Variants in JAZF1 observed in about 807,000 individuals in gnomAD.
JAZF1 encodes the protein juxtaposed with another zinc finger protein 1.
Under a neutral mutation model 26.4 loss-of-function variants are expected in JAZF1, and 8 were observed. That is an observed-to-expected ratio of 0.30 (90% CI 0.18 to 0.55). JAZF1 has a LOEUF of 0.55. JAZF1 is among the 20% of genes least tolerant of loss of function. The pLI is 0.94. For missense variants in JAZF1, 199 were observed against 322.0 expected (o/e 0.62, Z 2.92); for synonymous variants, 126 against 122.3 (o/e 1.03, Z -0.20).
At chr7:27,987,719 A>G (rs923516693) in intron 2 of JAZF1, among the ~76,000 whole-genome samples, 2 of 152,270 alleles carry the variant, frequency 1.3e-5, no homozygotes, top group African/African-American at 4.8e-5. Flanking sequence ...AGAACGGGCC[A>G]TGATGACGAT....
chr7:27,849,239 C>T (rs1346977790), intron 3 of JAZF1, among the ~76,000 whole-genome samples: 2 of 152,168 alleles, frequency 1.3e-5, no homozygotes, highest in Admixed American at 6.5e-5. Context: ...CCACACGTGA[C>T]GTTCAGTGTG....
intron 3 of JAZF1, among the ~76,000 whole-genome samples, chr7:27,869,875 T>A (rs1181757827): frequency 1.3e-5 from 2 of 152,082 alleles, no homozygotes; most frequent in Non-Finnish European, 2.9e-5. Flanking sequence ...TCCTAGCCCC[T>A]CCACCATCAA....
chr7:27,976,239 G>A (rs1004123465), intron 2 of JAZF1, among the ~76,000 whole-genome samples: 1 of 151,304 alleles, frequency 6.6e-6, no homozygotes, highest in Non-Finnish European at 1.5e-5. Flanking sequence ...CCAGCTACTC[G>A]GGAGGCTGAG....
chr7:27,858,095 C>T (rs937783701), intron 3 of JAZF1, among the ~76,000 whole-genome samples: 1 of 152,114 alleles, frequency 6.6e-6, no homozygotes. Context: ...CATTCCTATA[C>T]ACCAATAATA....
chr7:28,169,806 C>A (rs1783424580), intron 1 of JAZF1, among the ~76,000 whole-genome samples: 1 of 152,210 alleles, frequency 6.6e-6, no homozygotes, highest in Non-Finnish European at 1.5e-5. Context: ...GATTCCCCTG[C>A]TTTTGCCATT....
At chr7:27,992,217 CA>C in intron 1 of JAZF1, 1 of 593,804 alleles carries the variant, frequency 1.7e-6, no homozygotes, top group Non-Finnish European at 3.3e-6. Context: ...GTCCATCTGT[CA>C]CACAAACTCT....
chr7:27,921,335 CT>C (rs111359758), intron 2 of JAZF1, among the ~76,000 whole-genome samples: 2,335 of 139,522 alleles, frequency 0.017, 50 homozygotes, highest in African/African-American at 0.049. Context: ...CAGCAAGTAT[CT>C]TTTTTTTTTT....
chr7:27,904,468 G>A (rs1784216343), intron 2 of JAZF1, among the ~76,000 whole-genome samples: 1 of 152,094 alleles, frequency 6.6e-6, no homozygotes, highest in African/African-American at 2.4e-5. Context: ...GCCTTTTTTG[G>A]TGATCTGGGA....
Position 27,840,691 on chromosome 7 carries a change from C to T in JAZF1, c.555+7G>A. 10 of 1,613,888 alleles carry T rather than the reference C, an allele frequency of 6.2e-6. No individual in the cohort carries two copies. The highest frequency in any genetic ancestry group is 8.5e-6 in the Non-Finnish European group (10 of 1,179,834). On this transcript the variant is annotated splice_region_variant and intron_variant, in intron 4 of 4. Transcript: ENST00000283928. This position sits in a 1 kb window ranked among gnomAD's most constrained non-coding sequence, Gnocchi z 5.1. ...TGGTTATGCCAAGCATGCAGCACCTCTGTTACCTTGTATCTCTTTTTACAT... is the reference window on the plus strand; with the variant it reads ...TGGTTATGCCAAGCATGCAGCACCTTTGTTACCTTGTATCTCTTTTTACAT...
At chr7:28,006,121 G>A (rs1228972685) in intron 1 of JAZF1, among the ~76,000 whole-genome samples, 1 of 151,936 alleles carries the variant, frequency 6.6e-6, no homozygotes, top group Non-Finnish European at 1.5e-5. Context: ...CTAGGGGCCA[G>A]GCTCAGTGGC....
chr7:28,134,708 T>C (rs565326025), intron 1 of JAZF1, among the ~76,000 whole-genome samples: 15 of 152,192 alleles, frequency 9.9e-5, no homozygotes, highest in Admixed American at 9.8e-4. Context: ...CCAGTCTAAG[T>C]GATATATTTA....
At chr7:27,954,261 C>CCTG (rs1302830179) in intron 2 of JAZF1, among the ~76,000 whole-genome samples, 1 of 152,206 alleles carries the variant, frequency 6.6e-6, no homozygotes, top group African/African-American at 2.4e-5. Context: ...TTCACTATTT[C>CCTG]CTGCTTAACT....
At chr7:28,009,635 C>T (rs1280257982) in intron 1 of JAZF1, among the ~76,000 whole-genome samples, 2 of 152,166 alleles carry the variant, frequency 1.3e-5, no homozygotes, top group African/African-American at 2.4e-5. Context: ...AGGCGCATGT[C>T]ACCACGCCCA....
intron 1 of JAZF1, among the ~76,000 whole-genome samples, chr7:28,064,561 T>C (rs2128383406): frequency 6.6e-6 from 1 of 152,300 alleles, no homozygotes; most frequent in South Asian, 2.1e-4. Flanking sequence ...ATCAATATAA[T>C]GACAGTTGAG....
At position 28,085,609 on chromosome 7, in the gene JAZF1, T is replaced by C. The variant is rs758556271; in HGVS notation, c.116-93628A>G. On this transcript the variant is annotated intron_variant, in intron 1 of 4. Transcript: ENST00000283928. The stretch of plus-strand genomic sequence containing the variant: ...ACCACGTTATAAACCCCTCCAAAAA[T>C]GGGGTTTACAATGGAAGTGTTGACA... Among the ~76,000 whole-genome samples, 36 of 152,226 alleles carry C rather than the reference T, an allele frequency of 2.4e-4. No individual in the cohort carries two copies. In the Middle Eastern group the frequency reaches 0.01, roughly 43 times the overall value.
intron 2 of JAZF1, among the ~76,000 whole-genome samples, chr7:27,908,832 T>C (rs1180863040): frequency 6.6e-6 from 1 of 152,242 alleles, no homozygotes; most frequent in East Asian, 1.9e-4. Flanking sequence ...TTTTATAAAA[T>C]GAGGTGTTGC....
intron 1 of JAZF1, among the ~76,000 whole-genome samples, chr7:28,091,511 T>C (rs1250669622): frequency 6.6e-6 from 1 of 151,444 alleles, no homozygotes; most frequent in Non-Finnish European, 1.5e-5. Flanking sequence ...GAGAATACAG[T>C]TTTACTTTCT....
chr7:27,841,380 G>A (rs559791429), intron 3 of JAZF1: 1 of 152,432 alleles, frequency 6.6e-6, no homozygotes, highest in Non-Finnish European at 1.5e-5. Context: ...ATGAATTTCA[G>A]GTCTTTTTCT....
intron 1 of JAZF1, among the ~76,000 whole-genome samples, chr7:28,017,714 T>C (rs1180340614): frequency 6.6e-6 from 1 of 152,240 alleles, no homozygotes; most frequent in Non-Finnish European, 1.5e-5. Context: ...TCGTGATGTG[T>C]ACATTTTGGT....
Sources: allele counts gnomAD v4.1 joint callset (sites outside exome capture counted in the v4.1 genomes callset), GRCh38; gene constraint gnomAD v4.1.1; non-coding constraint Gnocchi (gnomAD v3.1); transcripts MANE v1.5; gene names NCBI Gene and HGNC (gene_info 2026-07-23, HGNC 2026-07-21).